Variants in CNTN4 observed in about 807,000 individuals in gnomAD.
The protein encoded by CNTN4 is contactin 4.
Under a neutral mutation model 122.5 loss-of-function variants are expected in CNTN4, and 77 were observed. The ratio of observed to expected loss-of-function variants is 0.63; its 90% confidence interval spans 0.52 to 0.76. The LOEUF (loss-of-function observed/expected upper bound fraction) is 0.76. Ranked by LOEUF, CNTN4 falls within the 30% of genes least tolerant of loss-of-function variation. The pLI, the probability that CNTN4 is intolerant of heterozygous loss-of-function variation, is 0.00. For synonymous variants in CNTN4, 512 were observed against 447.0 expected (o/e 1.15, Z -1.83); for missense variants, 1,256 against 1,259.1 (o/e 1.00, Z 0.04).
At chr3:2,249,885 AT>A (rs2040308551) in intron 2 of CNTN4, among the ~76,000 whole-genome samples, 1 of 151,722 alleles carries the variant, frequency 6.6e-6, no homozygotes, top group South Asian at 2.1e-4. Context: ...TTGATTTTAG[AT>A]TTTTTTCAAG....
intron 2 of CNTN4, among the ~76,000 whole-genome samples, chr3:2,317,071 T>A (rs2043128857): frequency 6.6e-6 from 1 of 152,212 alleles, no homozygotes; most frequent in Non-Finnish European, 1.5e-5. Flanking sequence ...CTCTCAGACC[T>A]CTCTTAAATA....
intron 4 of CNTN4, among the ~76,000 whole-genome samples, chr3:2,611,520 G>C (rs2081489913): frequency 6.6e-6 from 1 of 152,092 alleles, no homozygotes; most frequent in African/African-American, 2.4e-5. Context: ...CTGCTTGGGA[G>C]AGCCGTTGTG....
chr3:2,173,764 G>T (rs958461512), intron 2 of CNTN4, among the ~76,000 whole-genome samples: 7 of 151,924 alleles, frequency 4.6e-5, no homozygotes, highest in African/African-American at 1.7e-4. Context: ...ACCTCATAGG[G>T]TTATTATAAG....
At chr3:2,885,303 G>T (rs1045761013) in intron 9 of CNTN4, among the ~76,000 whole-genome samples, 5 of 152,182 alleles carry the variant, frequency 3.3e-5, no homozygotes, top group African/African-American at 9.7e-5. Flanking sequence ...TTTAAGATTT[G>T]TTCCAACAGT....
intron 3 of CNTN4, among the ~76,000 whole-genome samples, chr3:2,459,191 T>G (rs2049111118): frequency 6.6e-6 from 1 of 152,122 alleles, no homozygotes; most frequent in African/African-American, 2.4e-5. Flanking sequence ...GTTAACACTT[T>G]CCTAGGAAGA....
At position 2,217,918 on chromosome 3, in the gene CNTN4, G is replaced by A. The variant is rs182436637; in HGVS notation, c.-145+117279G>A. Among the ~76,000 whole-genome samples, 320 of 152,198 alleles carry A rather than the reference G, an allele frequency of 2.1e-3. 1 individual carries two copies. The highest frequency in any genetic ancestry group is 6.7e-3 in the African/African-American group (280 of 41,492). On this transcript the variant is annotated intron_variant, in intron 2 of 24. Coordinates refer to ENST00000418658, the MANE Select transcript of CNTN4 (RefSeq NM_175607.3). ...AAAGAGAGTGATAAATAAATCAAAC[G>A]TAGATCTACCACTTAGGGAGTTTAA...
chr3:2,267,350 A>C lies in CNTN4; in HGVS notation c.-144-71828A>C, dbSNP rs149691264. Among the ~76,000 whole-genome samples, 379 of 152,282 alleles carry C rather than the reference A, an allele frequency of 2.5e-3. 1 individual carries two copies. Among genetic ancestry groups the C allele is most frequent in the African/African-American group, 8.9e-3 (369 of 41,568 alleles). ...AGAGCCATTTTCTTTCCTAACAAAG[A>C]AATTCATACTGCAGAAAAATCAGCA... is the stretch of plus-strand genomic sequence containing the variant. On this transcript the variant is annotated intron_variant, in intron 2 of 24. Coordinates refer to ENST00000418658, the MANE Select transcript of CNTN4 (RefSeq NM_175607.3).
At chr3:2,612,104 TAATACACA>T (rs1452408279) in intron 4 of CNTN4, among the ~76,000 whole-genome samples, 1 of 47,970 alleles carries the variant, frequency 2.1e-5, no homozygotes, top group Non-Finnish European at 4.1e-5. Flanking sequence ...TATATACATA[TAATACACA>T]CACACACACA....
intron 14 of CNTN4, among the ~76,000 whole-genome samples, chr3:2,993,613 T>C (rs1167216872): frequency 6.6e-6 from 1 of 152,212 alleles, no homozygotes; most frequent in Non-Finnish European, 1.5e-5. Context: ...CTGTGTAATA[T>C]ATAAGTACCT....
intron 10 of CNTN4, among the ~76,000 whole-genome samples, chr3:2,891,296 T>C (rs2094037204): frequency 6.6e-6 from 1 of 151,936 alleles, no homozygotes; most frequent in Non-Finnish European, 1.5e-5. Context: ...ATATAAAAAT[T>C]AGCTGGGTGT....
intron 3 of CNTN4, among the ~76,000 whole-genome samples, chr3:2,507,352 C>G (rs1248940533): frequency 6.6e-6 from 1 of 151,894 alleles, no homozygotes; most frequent in South Asian, 2.1e-4. Flanking sequence ...TTTAAACTGT[C>G]TTTGTTGGAA....
At chr3:2,779,555 T>C (rs1417266912) in intron 6 of CNTN4, among the ~76,000 whole-genome samples, 1 of 152,144 alleles carries the variant, frequency 6.6e-6, no homozygotes, top group Non-Finnish European at 1.5e-5. Context: ...GAAAGAGAGG[T>C]TGAAGAGTAG....
chr3:2,129,002 C>T (rs149964683), intron 2 of CNTN4, among the ~76,000 whole-genome samples: 6 of 152,148 alleles, frequency 3.9e-5, no homozygotes, highest in Non-Finnish European at 8.8e-5. Context: ...CTTCATGGAA[C>T]ATGGAGGAAC....
At chr3:2,680,819 G>A (rs1388652714) in intron 4 of CNTN4, among the ~76,000 whole-genome samples, 1 of 152,014 alleles carries the variant, frequency 6.6e-6, no homozygotes, top group African/African-American at 2.4e-5. Flanking sequence ...GAGGAATAAA[G>A]GAAATAACAG....
chr3:2,580,074 T>C (rs1221543376), intron 4 of CNTN4, among the ~76,000 whole-genome samples: 1 of 152,134 alleles, frequency 6.6e-6, no homozygotes, highest in African/African-American at 2.4e-5. Flanking sequence ...TACATACATG[T>C]GTATGTACAT....
intron 4 of CNTN4, among the ~76,000 whole-genome samples, chr3:2,584,944 G>T (rs192277055): frequency 2.6e-5 from 4 of 151,938 alleles, no homozygotes; most frequent in African/African-American, 9.7e-5. Flanking sequence ...TAGATAGATA[G>T]ACAGAAAAAA....
intron 4 of CNTN4, among the ~76,000 whole-genome samples, chr3:2,645,454 T>A (rs1243762912): frequency 1.3e-5 from 2 of 152,232 alleles, no homozygotes; most frequent in Non-Finnish European, 2.9e-5. Flanking sequence ...CAATTTATTC[T>A]TTTTTCATGC....
intron 3 of CNTN4, among the ~76,000 whole-genome samples, chr3:2,497,840 C>T (rs545215763): frequency 6.6e-6 from 1 of 152,198 alleles, no homozygotes; most frequent in South Asian, 2.1e-4. Context: ...GGGATATAAA[C>T]CTCATAATTG....
intron 3 of CNTN4, among the ~76,000 whole-genome samples, chr3:2,480,888 G>T (rs1394570913): frequency 6.6e-6 from 1 of 152,146 alleles, no homozygotes; most frequent in African/African-American, 2.4e-5. Context: ...TGGTATTGTT[G>T]AAAGAACAGA....
Sources: gnomAD v4.1 joint callset for allele counts (sites outside exome capture counted in the v4.1 genomes callset) on GRCh38, gnomAD v4.1.1 for gene constraint, MANE v1.5 for transcripts, NCBI Gene and HGNC (gene_info 2026-07-23, HGNC 2026-07-21) for gene names.